The following DIXDC1 variants were observed in gnomAD, a reference collection of about 807,000 sequenced individuals.
DIXDC1 encodes DIX domain containing 1.
In DIXDC1, 64 loss-of-function variants were observed where a neutral mutation model predicts 103.1. That is an observed-to-expected ratio of 0.62 (90% CI 0.51 to 0.76). DIXDC1 has a LOEUF of 0.76. Ranked by LOEUF, DIXDC1 falls within the 30% of genes least tolerant of loss-of-function variation. DIXDC1 has a pLI of 0.00. For missense variants in DIXDC1, 759 were observed against 834.2 expected, an observed-to-expected ratio of 0.91 and a Z score of 1.11; for synonymous variants, 266 against 298.5, an observed-to-expected ratio of 0.89 and a Z score of 1.12.
intron 1 of DIXDC1, among the ~76,000 whole-genome samples, chr11:111,950,653 A>T (rs587627680): frequency 1.3e-5 from 2 of 151,156 alleles, no homozygotes; most frequent in Admixed American, 1.3e-4. Flanking sequence ...ACAGGGTTTC[A>T]CCATGTTGGC....
chr11:112,001,241 A>G (rs1247176842), intron 17 of DIXDC1, among the ~76,000 whole-genome samples: 1 of 152,196 alleles, frequency 6.6e-6, no homozygotes, highest in African/African-American at 2.4e-5. Flanking sequence ...AATGTCCAGA[A>G]TAGGCAAATC....
At chr11:111,982,552 G>A in intron 7 of DIXDC1, 65 bp downstream of exon 7, 3 of 1,525,348 alleles carry the variant, frequency 2.0e-6, no homozygotes, top group South Asian at 1.3e-5. Flanking sequence ...TATTATCAAT[G>A]GAAAATAAAC....
At chr11:111,984,186 C>T (rs1237365177) in intron 7 of DIXDC1, among the ~76,000 whole-genome samples, 1 of 152,102 alleles carries the variant, frequency 6.6e-6, no homozygotes, top group Non-Finnish European at 1.5e-5. Flanking sequence ...TGAGTCCTCA[C>T]ATATATAATT....
At chr11:111,949,743 T>C (rs1377381663) in intron 1 of DIXDC1, among the ~76,000 whole-genome samples, 9 of 152,168 alleles carry the variant, frequency 5.9e-5, no homozygotes, top group African/African-American at 1.9e-4. Context: ...CTCAACTGGC[T>C]GTTCCTCTAA....
At chr11:111,993,352 GT>G (rs1420211066) in intron 12 of DIXDC1, 143 bp from the exon 13 acceptor site, 2 of 770,518 alleles carry the variant, frequency 2.6e-6, no homozygotes, top group Non-Finnish European at 4.3e-6. Flanking sequence ...TTATTATGGT[GT>G]GTAAAGTCTT....
chr11:111,962,730 A>G (rs1331103533), intron 1 of DIXDC1, among the ~76,000 whole-genome samples: 3 of 152,218 alleles, frequency 2.0e-5, no homozygotes, highest in African/African-American at 4.8e-5. Context: ...GTTGAGGATG[A>G]TAATAGATAC....
chr11:111,995,732 G>T (rs1418728980), intron 16 of DIXDC1, among the ~76,000 whole-genome samples, 168 bp downstream of exon 16: 3 of 151,976 alleles, frequency 2.0e-5, no homozygotes, highest in Non-Finnish European at 4.4e-5. Flanking sequence ...ATTCATCATG[G>T]TATGACAATC....
At chr11:112,007,784 C>T (rs944061360) in intron 17 of DIXDC1, among the ~76,000 whole-genome samples, 36 of 152,272 alleles carry the variant, frequency 2.4e-4, no homozygotes, top group African/African-American at 8.4e-4. Context: ...ACCAGGACTG[C>T]CTTACAAGAG....
chr11:111,994,618 G>T (rs1555175090), intron 14 of DIXDC1, among the ~76,000 whole-genome samples: 1 of 151,232 alleles, frequency 6.6e-6, no homozygotes, highest in African/African-American at 2.4e-5. Context: ...GTATATGTAT[G>T]TGTATATATA....
At chr11:111,975,060 A>T in intron 5 of DIXDC1, 77 bp downstream of exon 5, 1 of 1,546,594 alleles carries the variant, frequency 6.5e-7, no homozygotes, top group South Asian at 1.2e-5. Flanking sequence ...CAACAAGCAA[A>T]AAGGCACCTA....
intron 9 of DIXDC1, among the ~76,000 whole-genome samples, chr11:111,987,682 C>CA (rs1253017809): frequency 2.3e-5 from 3 of 128,698 alleles, no homozygotes; most frequent in African/African-American, 9.0e-5. Context: ...TTTTTTGAGA[C>CA]AGAGTTTGGC....
At chr11:111,980,355 G>T (rs756818118) in intron 5 of DIXDC1, among the ~76,000 whole-genome samples, 6 of 152,198 alleles carry the variant, frequency 3.9e-5, no homozygotes, top group Non-Finnish European at 7.3e-5. Context: ...ACACAGACTG[G>T]CATCAGTCTT....
intron 17 of DIXDC1, among the ~76,000 whole-genome samples, chr11:112,010,381 A>C (rs1413024177): frequency 1.3e-5 from 2 of 152,240 alleles, no homozygotes; most frequent in Non-Finnish European, 2.9e-5. Context: ...ACACTGCCCA[A>C]GGTAATTTAT....
In DIXDC1 at chr11:111,981,875, A is replaced by G. The variant is rs61897191; in HGVS notation, c.770-464A>G. ...GGTTTGTTTGCTGTGTGACTCACAC[A>G]GTATTCTACATGAAAGTGGTCCACT... On this transcript the variant is annotated intron_variant, in intron 6 of 19. Coordinates refer to ENST00000440460, the MANE Select transcript of DIXDC1 (RefSeq NM_001037954.4). 9.0e-3 allele frequency among the ~76,000 whole-genome samples: 1,375 copies of G among 152,350 alleles called. 9 individuals carry two copies. The highest frequency in any genetic ancestry group is 0.016 in the Non-Finnish European group (1,106 of 68,032).
intron 1 of DIXDC1, among the ~76,000 whole-genome samples, chr11:111,941,989 G>A (rs587595130): frequency 2.6e-5 from 4 of 152,254 alleles, no homozygotes; most frequent in Non-Finnish European, 4.4e-5. Flanking sequence ...ATAGAGTAGC[G>A]GTGGCGTCAA....
chr11:111,936,474 AAC>A (rs1422731351), upstream of DIXDC1, among the ~76,000 whole-genome samples: 1 of 152,366 alleles, frequency 6.6e-6, no homozygotes, highest in African/African-American at 2.4e-5. Flanking sequence ...TTTATTTTAA[AAC>A]ACATTAAAAT....
intron 17 of DIXDC1, among the ~76,000 whole-genome samples, chr11:112,009,357 C>T (rs1361538678): frequency 6.6e-6 from 1 of 152,150 alleles, no homozygotes; most frequent in Non-Finnish European, 1.5e-5. Context: ...GATGGATTTA[C>T]AGCCAAATTC....
upstream of DIXDC1, among the ~76,000 whole-genome samples, chr11:111,935,117 A>G (rs115066817): frequency 0.043 from 6,546 of 152,266 alleles, 502 homozygotes; most frequent in African/African-American, 0.15. Context: ...ATGCCTTATA[A>G]TACATTTTAA....
At chr11:111,953,876 T>G (rs1298264601) in intron 1 of DIXDC1, among the ~76,000 whole-genome samples, 2 of 152,194 alleles carry the variant, frequency 1.3e-5, no homozygotes, top group African/African-American at 4.8e-5. Flanking sequence ...TATCCATGGC[T>G]TCAGCATCTG....
Sources: allele counts gnomAD v4.1 joint callset (sites outside exome capture counted in the v4.1 genomes callset), GRCh38; gene constraint gnomAD v4.1.1; transcripts MANE v1.5; gene names NCBI Gene and HGNC (gene_info 2026-07-23, HGNC 2026-07-21).